DNAH14: variants seen among roughly 807,000 people sequenced by gnomAD.
The protein encoded by DNAH14 is axonemal beta dynein heavy chain 14.
In DNAH14, 478 loss-of-function variants were observed where a neutral mutation model predicts 520.9. The ratio of observed to expected loss-of-function variants is 0.92; its 90% confidence interval spans 0.85 to 0.99. DNAH14 has a LOEUF of 0.99. Among genes scored for constraint, DNAH14 ranks in the 50% least tolerant of loss-of-function variants. The probability of loss-of-function intolerance (pLI) is 0.00; values close to 1 mark genes in which losing one functional copy is unlikely to be tolerated. For missense variants in DNAH14, 4,831 were observed against 5,234.5 expected (o/e 0.92, Z 2.38); for synonymous variants, 1,581 against 1,757.2 (o/e 0.90, Z 2.51).
At chr1:225,156,125 A>G (rs1435111565) in intron 34 of DNAH14, among the ~76,000 whole-genome samples, 1 of 151,780 alleles carries the variant, frequency 6.6e-6, no homozygotes, top group Non-Finnish European at 1.5e-5. Context: ...GATTTGTCTC[A>G]TTTCCCTGGC....
chr1:225,388,357 G>A (rs879432542), intron 81 of DNAH14, 22 bp from the exon 82 acceptor site: 151 of 1,427,528 alleles, frequency 1.1e-4, no homozygotes, highest in Non-Finnish European at 1.4e-4. Flanking sequence ...AAAATGATGT[G>A]ACTGTCTTTA....
chr1:225,185,904 T>C (rs915349259), intron 37 of DNAH14, among the ~76,000 whole-genome samples: 5 of 150,436 alleles, frequency 3.3e-5, no homozygotes, highest in Admixed American at 3.3e-4. Flanking sequence ...CTGATAAATA[T>C]TCCTTTTCAC....
At chr1:225,123,359 G>C (rs990549034) in intron 26 of DNAH14, among the ~76,000 whole-genome samples, 168 bp from the exon 27 acceptor site, 1 of 152,138 alleles carries the variant, frequency 6.6e-6, no homozygotes, top group African/African-American at 2.4e-5. Context: ...TATGCATTAT[G>C]CTTCGATTAA....
chr1:225,155,607 G>A (rs2080954100), intron 34 of DNAH14, among the ~76,000 whole-genome samples: 1 of 152,156 alleles, frequency 6.6e-6, no homozygotes, highest in African/African-American at 2.4e-5. Flanking sequence ...CTTTACGTAA[G>A]TATTTCAGTG....
intron 8 of DNAH14, among the ~76,000 whole-genome samples, chr1:224,981,994 G>C (rs554363615): frequency 1.0e-3 from 156 of 152,238 alleles, no homozygotes; most frequent in Non-Finnish European, 1.6e-3. Context: ...TTAGGTCATA[G>C]GGTAAATACT....
At chr1:225,204,360 T>C (rs1446094498) in intron 39 of DNAH14, 87 bp downstream of exon 39, 1 of 776,442 alleles carries the variant, frequency 1.3e-6, no homozygotes, top group Non-Finnish European at 2.0e-6. Flanking sequence ...TTTAAACATG[T>C]TTTTTGACTG....
chr1:225,360,619 G>A, intron 74 of DNAH14, 62 bp from the exon 75 acceptor site: 5 of 1,396,606 alleles, frequency 3.6e-6, no homozygotes, highest in Non-Finnish European at 4.9e-6. Context: ...GCTGGATTGT[G>A]ATTTTTAAAA....
At chr1:225,299,900 T>G (rs565932472) in intron 55 of DNAH14, among the ~76,000 whole-genome samples, 3 of 152,296 alleles carry the variant, frequency 2.0e-5, no homozygotes, top group African/African-American at 7.2e-5. Flanking sequence ...CCCCACAAGC[T>G]CTCTGCCCTT....
chr1:225,250,843 G>A, intron 43 of DNAH14: 1 of 422,852 alleles, frequency 2.4e-6, no homozygotes, highest in East Asian at 3.6e-5. Context: ...ACCTGGCTTT[G>A]GGGTGATTAG....
intron 71 of DNAH14, among the ~76,000 whole-genome samples, chr1:225,349,130 C>T (rs2095329021): frequency 6.6e-6 from 1 of 152,096 alleles, no homozygotes; most frequent in African/African-American, 2.4e-5. Flanking sequence ...GCCACCATAC[C>T]CAGCTAATTT....
At position 225,353,873 on chromosome 1, in the gene DNAH14, T is replaced by G; in HGVS notation, c.11604T>G (p.Phe3868Leu). ...TTCCCTGGGAGAAACTCACTTCATT[T>G]CAAAGACTTATTTTGGTAAGATATC... is the stretch of plus-strand genomic sequence containing the variant. ...INFPWEKLTS[F>L]QRLILVKVLR... Residue 3868 changes from phenylalanine (F) to leucine (L), a missense_variant, in exon 73 of 86, where the codon TTT becomes TTG. Physicochemically the swap from Phe to Leu is conservative, Grantham distance 22. Coordinates refer to ENST00000682510, the MANE Select transcript of DNAH14 (RefSeq NM_001367479.1). 6.7e-7 allele frequency: 1 copy of G among 1,488,630 alleles called. No individual in the cohort carries two copies. The highest frequency in any genetic ancestry group is 9.1e-7 in the Non-Finnish European group (1 of 1,096,464). The allele number at this position is 1,488,630 out of a possible 1,614,324, so 92.2% of individuals were successfully genotyped here. A position where few individuals can be genotyped will look rare whatever the true frequency, so the allele number is the denominator to read the frequency against.
chr1:224,933,304 T>C (rs964106777), intron 1 of DNAH14, among the ~76,000 whole-genome samples: 1 of 152,164 alleles, frequency 6.6e-6, no homozygotes, highest in Non-Finnish European at 1.5e-5. Context: ...TGAATTCATC[T>C]ATAAAATCTA....
chr1:224,930,812 A>G (rs2058646877), intron 1 of DNAH14, among the ~76,000 whole-genome samples: 2 of 152,154 alleles, frequency 1.3e-5, no homozygotes, highest in African/African-American at 4.8e-5. Flanking sequence ...GTTAGCCAGG[A>G]TGATCTCGAT....
At chr1:225,022,640 G>A (rs1340231360) in intron 10 of DNAH14, among the ~76,000 whole-genome samples, 2 of 152,028 alleles carry the variant, frequency 1.3e-5, no homozygotes, top group Non-Finnish European at 2.9e-5. Flanking sequence ...ACACCCTGCT[G>A]GTAGCAATGT....
At chr1:225,075,695 G>A (rs1359396519) in intron 17 of DNAH14, among the ~76,000 whole-genome samples, 2 of 152,092 alleles carry the variant, frequency 1.3e-5, no homozygotes, top group African/African-American at 4.8e-5. Flanking sequence ...TAAAAAAAAA[G>A]TTATTGTGAA....
chr1:225,251,027 T>C (rs897266425), intron 43 of DNAH14, among the ~76,000 whole-genome samples: 3 of 152,292 alleles, frequency 2.0e-5, no homozygotes. Flanking sequence ...TATTTTGTTA[T>C]GGCAGCCCAA....
At chr1:225,181,693 T>C (rs1230866635) in intron 36 of DNAH14, among the ~76,000 whole-genome samples, 1 of 152,222 alleles carries the variant, frequency 6.6e-6, no homozygotes, top group Admixed American at 6.5e-5. Flanking sequence ...TATTTGTTTG[T>C]TTGCTTGTTG....
intron 17 of DNAH14, among the ~76,000 whole-genome samples, chr1:225,077,204 T>C (rs1245534985): frequency 6.6e-6 from 1 of 152,232 alleles, no homozygotes; most frequent in Non-Finnish European, 1.5e-5. Context: ...AATCTTTTTC[T>C]GTGGGGAGTT....
intron 27 of DNAH14, among the ~76,000 whole-genome samples, chr1:225,139,828 A>G (rs1332834577): frequency 6.6e-6 from 1 of 152,186 alleles, no homozygotes; most frequent in Non-Finnish European, 1.5e-5. Flanking sequence ...CTGCCGTGAC[A>G]TGGCCTTGAC....
Sources: gnomAD v4.1 joint callset for allele counts (sites outside exome capture counted in the v4.1 genomes callset) on GRCh38, gnomAD v4.1.1 for gene constraint, MANE v1.5 for transcripts, NCBI Gene and HGNC (gene_info 2026-07-23, HGNC 2026-07-21) for gene names.